The following SMIM8 variants were observed in gnomAD, a reference collection of about 807,000 sequenced individuals.
The protein encoded by SMIM8 is UPF0708 protein C6orf162.
SMIM8 carries 8 observed loss-of-function variants against 8.1 expected under a neutral mutation model. That is an observed-to-expected ratio of 0.99 (90% CI 0.58 to 1.78). The LOEUF is 1.78. SMIM8 is among the 40% of genes most tolerant of loss of function. The probability of loss-of-function intolerance (pLI) is 0.00; values close to 1 mark genes in which losing one functional copy is unlikely to be tolerated. For missense variants in SMIM8, 126 were observed against 119.8 expected (o/e 1.05, Z -0.24); for synonymous variants, 45 against 39.7 (o/e 1.13, Z -0.50).
At position 87,323,737 on chromosome 6, in the gene SMIM8, G is replaced by A. The variant is rs1158752581; in HGVS notation, c.-45+1105G>A. ...GTGAATAATGCCGCAATAAACATAC[G>A]TGTGCTTGTGTCTTTACAGCAGCAT... is the stretch of plus-strand genomic sequence containing the variant. On this transcript the variant is annotated intron_variant, in intron 1 of 3. Coordinates refer to ENST00000392863, the MANE Select transcript of SMIM8 (RefSeq NM_001042493.3). Among the ~76,000 whole-genome samples, 5 of 152,146 alleles carry A rather than the reference G, an allele frequency of 3.3e-5. 1 individual carries two copies. The highest frequency in any genetic ancestry group is 2.0e-4 in the Admixed American group (3 of 15,278).
In SMIM8 at chr6:87,340,469, G is replaced by C. The variant is rs917970913; in HGVS notation, c.*195G>C. On this transcript the variant is annotated 3_prime_UTR_variant, in exon 4 of 4. Transcript: ENST00000392863. ...GCCATTATCTCATTCTTTTTCCACA[G>C]AGTGAGCGTCATAATATTTTTCTTT... 1 of 391,168 alleles carries C rather than the reference G, an allele frequency of 2.6e-6. No homozygotes were observed. 24.2% of individuals were successfully genotyped at this position (391,168 alleles called of 1,614,324 possible).
intron 2 of SMIM8, among the ~76,000 whole-genome samples, chr6:87,333,798 CTG>C (rs1327225542): frequency 3.9e-5 from 6 of 152,238 alleles, no homozygotes; most frequent in African/African-American, 1.4e-4. Context: ...GGGCATGTAA[CTG>C]TGCTGTAGAA....
intron 3 of SMIM8, among the ~76,000 whole-genome samples, chr6:87,338,998 C>T (rs1302637603): frequency 6.7e-6 from 1 of 149,140 alleles, no homozygotes; most frequent in Admixed American, 6.7e-5. Flanking sequence ...CTCTTGAGGC[C>T]AGGAGTTCAA....
At chr6:87,330,012 T>TA (rs142932738) in intron 1 of SMIM8, among the ~76,000 whole-genome samples, 1 of 152,328 alleles carries the variant, frequency 6.6e-6, no homozygotes, top group East Asian at 1.9e-4. Context: ...AGTTGTCACT[T>TA]AAAGACACAC....
chr6:87,339,494 G>A (rs1369610137), intron 3 of SMIM8, among the ~76,000 whole-genome samples: 1 of 151,764 alleles, frequency 6.6e-6, no homozygotes, highest in African/African-American at 2.4e-5. Flanking sequence ...TTGCCTCTTA[G>A]GGTCTTGGAT....
chr6:87,332,662 T>G (rs568456287), intron 2 of SMIM8, among the ~76,000 whole-genome samples: 2 of 152,234 alleles, frequency 1.3e-5, no homozygotes, highest in Non-Finnish European at 2.9e-5. Context: ...TAATAAACTA[T>G]GCTCTGAGGA....
rs1393121791 is a variant in SMIM8, at chr6:87,341,163, T to G, written c.*889T>G. The G allele has an allele frequency of 2.5e-6, 1 of 397,460 alleles. No homozygotes were observed. The highest frequency in any genetic ancestry group is 2.1e-5 in the African/African-American group (1 of 48,614). 24.6% of individuals were successfully genotyped at this position (397,460 alleles called of 1,614,324 possible). A position where few individuals can be genotyped will look rare whatever the true frequency, so the allele number is the denominator to read the frequency against. On this transcript the variant is annotated 3_prime_UTR_variant, in exon 4 of 4. Coordinates refer to ENST00000392863, the MANE Select transcript of SMIM8 (RefSeq NM_001042493.3). ...TAAGGAATAGATAAGGTCTCCTTAT[T>G]GTACCTTTTTTTTCTTTTGAAGTTT...
At chr6:87,330,985 T>C (rs1034656520) in intron 2 of SMIM8, 3 of 152,208 alleles carry the variant, frequency 2.0e-5, no homozygotes, top group African/African-American at 7.2e-5. Context: ...CAAAATTACT[T>C]AGCCAAGAGC....
chr6:87,328,775 T>A (rs936225106), intron 1 of SMIM8, among the ~76,000 whole-genome samples: 9 of 152,228 alleles, frequency 5.9e-5, no homozygotes, highest in Non-Finnish European at 1.2e-4. Flanking sequence ...TGTGGTGGGC[T>A]CCACCCAGTT....
intron 3 of SMIM8, among the ~76,000 whole-genome samples, chr6:87,339,517 A>G (rs948207264): frequency 6.6e-6 from 1 of 151,932 alleles, no homozygotes; most frequent in African/African-American, 2.4e-5. Context: ...TCCAAGAGTA[A>G]ATCAAGGTTA....
chr6:87,323,834 C>T (rs1776743605), intron 1 of SMIM8, among the ~76,000 whole-genome samples: 1 of 151,976 alleles, frequency 6.6e-6, no homozygotes, highest in Non-Finnish European at 1.5e-5. Flanking sequence ...GTTCTAGATC[C>T]CTGAGGAATC....
At chr6:87,325,997 G>T (rs899400337) in intron 1 of SMIM8, among the ~76,000 whole-genome samples, 3 of 152,230 alleles carry the variant, frequency 2.0e-5, no homozygotes, top group Non-Finnish European at 2.9e-5. Context: ...AGTCTTGGGA[G>T]AGTGTATGTG....
intron 2 of SMIM8, among the ~76,000 whole-genome samples, chr6:87,331,942 T>C (rs932084889): frequency 1.3e-5 from 2 of 152,184 alleles, no homozygotes; most frequent in African/African-American, 4.8e-5. Context: ...TTTAAAAATA[T>C]ACATGTGAGT....
intron 2 of SMIM8, among the ~76,000 whole-genome samples, chr6:87,332,223 C>G (rs1562223194): frequency 6.6e-6 from 1 of 151,530 alleles, no homozygotes; most frequent in Non-Finnish European, 1.5e-5. Flanking sequence ...TTTCATAACA[C>G]TCAGCATCAC....
intron 2 of SMIM8, chr6:87,331,078 A>G (rs922601310): frequency 2.0e-5 from 3 of 152,240 alleles, no homozygotes; most frequent in African/African-American, 7.2e-5. Context: ...ACAGTAAATG[A>G]GGTTTTTAAA....
intron 3 of SMIM8, among the ~76,000 whole-genome samples, chr6:87,338,553 A>G (rs1777158553): frequency 6.6e-6 from 1 of 152,190 alleles, no homozygotes; most frequent in African/African-American, 2.4e-5. Flanking sequence ...ATATATAGCT[A>G]TTGGTTGTGT....
intron 1 of SMIM8, among the ~76,000 whole-genome samples, chr6:87,324,018 T>C: frequency 6.6e-6 from 1 of 150,446 alleles, no homozygotes. Context: ...ATTTCTCTGA[T>C]GGCCAGTGAT....
chr6:87,325,580 A>G (rs1228396412), intron 1 of SMIM8, among the ~76,000 whole-genome samples: 4 of 150,288 alleles, frequency 2.7e-5, no homozygotes, highest in East Asian at 1.9e-4. Context: ...ATTGATTTGC[A>G]TATATTGAAC....
At chr6:87,335,881 G>T (rs1344514157) in intron 2 of SMIM8, among the ~76,000 whole-genome samples, 1 of 149,072 alleles carries the variant, frequency 6.7e-6, no homozygotes, top group Non-Finnish European at 1.5e-5. Flanking sequence ...GCCAGGTGTG[G>T]TGCATGCCTG....
Sources: allele counts gnomAD v4.1 joint callset (sites outside exome capture counted in the v4.1 genomes callset), GRCh38; gene constraint gnomAD v4.1.1; transcripts MANE v1.5; gene names NCBI Gene and HGNC (gene_info 2026-07-23, HGNC 2026-07-21).